The following SSBP2 variants were observed in gnomAD, a reference collection of about 807,000 sequenced individuals.
The protein encoded by SSBP2 is single-stranded DNA-binding protein 2.
A neutral mutation model predicts 61.8 loss-of-function variants in SSBP2; 17 were observed. That is an observed-to-expected ratio of 0.28 (90% confidence interval 0.19 to 0.41). The LOEUF (loss-of-function observed/expected upper bound fraction) is 0.41, where lower values mean the gene tolerates loss of function less well. Among genes scored for constraint, SSBP2 ranks in the 10% least tolerant of loss-of-function variants. The probability of loss-of-function intolerance (pLI) is 1.00; values close to 1 mark genes in which losing one functional copy is unlikely to be tolerated. For synonymous variants in SSBP2, 139 were observed against 141.3 expected (o/e 0.98, Z 0.12); for missense variants, 310 against 458.7 (o/e 0.68, Z 2.96).
intron 1 of SSBP2, among the ~76,000 whole-genome samples, chr5:81,675,227 G>A (rs1751864880): frequency 6.6e-6 from 1 of 152,106 alleles, no homozygotes; most frequent in Admixed American, 6.6e-5. Flanking sequence ...CCACTGAGTG[G>A]TAAGAAACCA....
chr5:81,452,365 T>A (rs1317830223), intron 10 of SSBP2, among the ~76,000 whole-genome samples: 1 of 152,198 alleles, frequency 6.6e-6, no homozygotes, highest in Non-Finnish European at 1.5e-5. Flanking sequence ...GGCCTCAAGC[T>A]ATCCTCCTGA....
chr5:81,627,643 T>G (rs1390402279), intron 3 of SSBP2, among the ~76,000 whole-genome samples: 1 of 152,180 alleles, frequency 6.6e-6, no homozygotes, highest in East Asian at 1.9e-4. Context: ...GAAACAGAAT[T>G]CTTAGAATAA....
intron 1 of SSBP2, among the ~76,000 whole-genome samples, chr5:81,730,021 T>A (rs1440718554): frequency 2.6e-5 from 4 of 152,170 alleles, no homozygotes; most frequent in Admixed American, 2.6e-4. Flanking sequence ...GGTAACAATT[T>A]TAGAAAATAC....
chr5:81,643,432 T>C (rs951759471), intron 2 of SSBP2, among the ~76,000 whole-genome samples: 1 of 152,118 alleles, frequency 6.6e-6, no homozygotes, highest in African/African-American at 2.4e-5. Context: ...TGTATACCTA[T>C]GTGTAAGTTT....
At chr5:81,546,953 G>A (rs1000569387) in intron 4 of SSBP2, among the ~76,000 whole-genome samples, 1 of 135,084 alleles carries the variant, frequency 7.4e-6, no homozygotes, top group Non-Finnish European at 1.5e-5. Context: ...AAGAATACAC[G>A]AGAACAATGA....
intron 1 of SSBP2, among the ~76,000 whole-genome samples, chr5:81,728,393 C>T (rs1441692310): frequency 6.6e-6 from 1 of 152,106 alleles, no homozygotes; most frequent in African/African-American, 2.4e-5. Flanking sequence ...CTCTCTTGTC[C>T]TCATTTCATA....
chr5:81,612,683 G>A (rs1745570243), intron 4 of SSBP2, among the ~76,000 whole-genome samples: 1 of 151,978 alleles, frequency 6.6e-6, no homozygotes, highest in African/African-American at 2.4e-5. Flanking sequence ...ACATGCAAGT[G>A]AACATTTTTA....
At chr5:81,637,806 A>G (rs956153861) in intron 2 of SSBP2, among the ~76,000 whole-genome samples, 2 of 152,176 alleles carry the variant, frequency 1.3e-5, no homozygotes, top group Non-Finnish European at 2.9e-5. Flanking sequence ...ATGCACACGT[A>G]TGTTTATTAC....
intron 4 of SSBP2, among the ~76,000 whole-genome samples, chr5:81,605,380 G>C (rs1435972519): frequency 6.6e-6 from 1 of 152,070 alleles, no homozygotes; most frequent in South Asian, 2.1e-4. Flanking sequence ...AGGAATCGCA[G>C]TTCAACTTTA....
At chr5:81,730,186 C>T (rs534179052) in intron 1 of SSBP2, among the ~76,000 whole-genome samples, 14 of 152,140 alleles carry the variant, frequency 9.2e-5, no homozygotes, top group Admixed American at 5.9e-4. Context: ...TTAAAATGAA[C>T]GCTTCATCAT....
chr5:81,693,145 A>T (rs1753340105), intron 1 of SSBP2, among the ~76,000 whole-genome samples: 1 of 150,834 alleles, frequency 6.6e-6, no homozygotes, highest in Non-Finnish European at 1.5e-5. Flanking sequence ...CAGAGGTTGC[A>T]GCGAGCCTAG....
At chr5:81,541,275 C>T (rs1441244718) in intron 4 of SSBP2, among the ~76,000 whole-genome samples, 3 of 152,068 alleles carry the variant, frequency 2.0e-5, no homozygotes, top group Non-Finnish European at 2.9e-5. Context: ...ATAGAAGACA[C>T]AAACAAATGT....
At chr5:81,448,534 G>A (rs1429554121) in intron 11 of SSBP2, among the ~76,000 whole-genome samples, 6 of 152,096 alleles carry the variant, frequency 3.9e-5, no homozygotes, top group Non-Finnish European at 7.4e-5. Context: ...TTCATGATTG[G>A]ACAGAGTGTA....
intron 4 of SSBP2, among the ~76,000 whole-genome samples, chr5:81,601,442 T>C (rs926903947): frequency 5.9e-5 from 9 of 152,104 alleles, no homozygotes; most frequent in Non-Finnish European, 1.2e-4. Context: ...CACACACAAG[T>C]ACAAGTAAAA....
At position 81,513,617 on chromosome 5, in the gene SSBP2, T is replaced by C; in HGVS notation, c.372+11A>G. ...TGCTTTAACATTCCTAGTCAGAGTT[T>C]CTCTGAGTACCTGAAAGAACCCTGG... is the stretch of plus-strand genomic sequence containing the variant. On this transcript the variant is annotated intron_variant, in intron 5 of 16. Transcript: ENST00000320672. 2 of 1,548,922 alleles carry C rather than the reference T, an allele frequency of 1.3e-6. No individual in the cohort carries two copies. The highest frequency in any genetic ancestry group is 8.9e-7 in the Non-Finnish European group (1 of 1,122,296).
At chr5:81,704,878 C>A (rs1754257950) in intron 1 of SSBP2, among the ~76,000 whole-genome samples, 1 of 143,976 alleles carries the variant, frequency 6.9e-6, no homozygotes. Context: ...AAATGAGTTT[C>A]TTTATTTCCA....
intron 1 of SSBP2, among the ~76,000 whole-genome samples, chr5:81,742,369 C>T (rs1377496727): frequency 1.3e-5 from 2 of 152,096 alleles, no homozygotes; most frequent in Admixed American, 1.3e-4. Context: ...ATACCAAATA[C>T]TAGGAGTATT....
chr5:81,548,161 C>T (rs1157959535), intron 4 of SSBP2, among the ~76,000 whole-genome samples: 4 of 152,134 alleles, frequency 2.6e-5, no homozygotes, highest in African/African-American at 7.2e-5. Context: ...TGGCAGCTGA[C>T]TGATCAGAGT....
chr5:81,654,929 G>C (rs1750075692), intron 1 of SSBP2, among the ~76,000 whole-genome samples: 1 of 151,902 alleles, frequency 6.6e-6, no homozygotes, highest in Non-Finnish European at 1.5e-5. Flanking sequence ...TTGAGCCCTG[G>C]AGTTTGAGAC....
Sources: allele counts gnomAD v4.1 joint callset (sites outside exome capture counted in the v4.1 genomes callset), GRCh38; gene constraint gnomAD v4.1.1; transcripts MANE v1.5; gene names NCBI Gene and HGNC (gene_info 2026-07-23, HGNC 2026-07-21).